The following LCOR variants were observed in gnomAD, a reference collection of about 807,000 sequenced individuals.
LCOR encodes ligand-dependent corepressor.
LCOR carries 14 observed loss-of-function variants against 64.4 expected under a neutral mutation model. The ratio of observed to expected loss-of-function variants is 0.22; its 90% CI spans 0.14 to 0.34. The LOEUF (loss-of-function observed/expected upper bound fraction) is 0.34. Among genes scored for constraint, LCOR ranks in the 10% least tolerant of loss-of-function variants. The pLI is 1.00. For synonymous variants in LCOR, 643 were observed against 642.5 expected, an observed-to-expected ratio of 1.00 and a Z score of -0.01; for missense variants, 1,686 against 1,765.3, an observed-to-expected ratio of 0.96 and a Z score of 0.80.
Position 96,866,898 on chromosome 10 carries a change from T to G in LCOR, c.-330+33419T>G, listed in dbSNP as rs139810814. ...GCCCCAAACAATTCTTGAAAGAGGT[T>G]GTGCCACCACTTTACATTCCCACCA... On this transcript the variant is annotated intron_variant, in intron 2 of 7. Transcript: ENST00000421806. Among the ~76,000 whole-genome samples, 838 of 152,258 alleles carry G rather than the reference T, an allele frequency of 5.5e-3. 10 individuals are homozygous for G. Among genetic ancestry groups the G allele is most frequent in the African/African-American group, 0.019 (804 of 41,554 alleles).
At chr10:96,967,623 T>C (rs1847962849) in intron 7 of LCOR, among the ~76,000 whole-genome samples, 1 of 152,220 alleles carries the variant, frequency 6.6e-6, no homozygotes, top group South Asian at 2.1e-4. Context: ...ATCGTATCTG[T>C]ACGAACATTG....
At chr10:96,890,722 A>G (rs769624602) in intron 2 of LCOR, among the ~76,000 whole-genome samples, 3 of 152,142 alleles carry the variant, frequency 2.0e-5, no homozygotes, top group Admixed American at 1.3e-4. Flanking sequence ...GCTCCTTTCT[A>G]TTCCTAGATT....
chr10:96,910,407 G>A (rs375738609), intron 4 of LCOR, among the ~76,000 whole-genome samples: 7 of 151,884 alleles, frequency 4.6e-5, no homozygotes, highest in Admixed American at 2.0e-4. Context: ...TATTATTTTC[G>A]GAGACAGTCA....
intron 7 of LCOR, among the ~76,000 whole-genome samples, chr10:96,969,762 TC>T (rs1847980936): frequency 1.4e-5 from 2 of 145,354 alleles, no homozygotes; most frequent in South Asian, 2.1e-4. Context: ...CAATTTTCTT[TC>T]TTTTTTTTTT....
At chr10:96,856,631 A>G (rs1203066109) in intron 2 of LCOR, among the ~76,000 whole-genome samples, 2 of 151,906 alleles carry the variant, frequency 1.3e-5, no homozygotes, top group Non-Finnish European at 2.9e-5. Context: ...ATGTACCATC[A>G]TGCCCAGCTA....
chr10:96,994,172 T>TG lies in LCOR; in HGVS notation c.*9039dup, dbSNP rs1746461504. 1.3e-5 allele frequency: 2 copies of TG among 152,320 alleles called. No individual in the cohort carries two copies. The highest frequency in any genetic ancestry group is 6.8e-3 in the Middle Eastern group (2 of 294). 9.4% of individuals were successfully genotyped at this position (152,320 alleles called of 1,614,324 possible). On this transcript the variant is annotated 3_prime_UTR_variant, in exon 8 of 8. Coordinates refer to ENST00000421806, the MANE Select transcript of LCOR (RefSeq NM_001346516.2). ...AAAGCTCATTTGGCTATAGAGTAAATGTAAGACTTGTTACAACAGAAATTT... is the reference window on the plus strand; with the variant it reads ...AAAGCTCATTTGGCTATAGAGTAAATGGTAAGACTTGTTACAACAGAAATTT...
chr10:96,949,440 G>A (rs1847641146), intron 6 of LCOR, 145 bp downstream of exon 6: 1 of 785,914 alleles, frequency 1.3e-6, no homozygotes. Context: ...ACTATGCAGT[G>A]ATGGAGAAGT....
intron 2 of LCOR, among the ~76,000 whole-genome samples, chr10:96,874,529 G>A (rs1270292339): frequency 6.6e-6 from 1 of 151,998 alleles, no homozygotes; most frequent in Non-Finnish European, 1.5e-5. Context: ...GTAACTGACC[G>A]AGCAGTCATA....
chr10:96,845,957 A>C (rs527625512), intron 2 of LCOR, among the ~76,000 whole-genome samples: 5 of 152,214 alleles, frequency 3.3e-5, no homozygotes, highest in African/African-American at 1.2e-4. Flanking sequence ...CTGTAATACC[A>C]GCACTTTGGG....
At chr10:96,852,150 G>A (rs4542327) in intron 2 of LCOR, among the ~76,000 whole-genome samples, 2 of 152,042 alleles carry the variant, frequency 1.3e-5, no homozygotes, top group Non-Finnish European at 2.9e-5. Flanking sequence ...AACACATTGG[G>A]TCATGCCTGT....
intron 7 of LCOR, among the ~76,000 whole-genome samples, chr10:96,974,197 C>T (rs1000726988): frequency 2.0e-5 from 3 of 152,196 alleles, no homozygotes; most frequent in African/African-American, 7.2e-5. Context: ...GGGCATGGAA[C>T]TGAAGATAGG....
At chr10:96,844,282 C>T (rs978754555) in intron 2 of LCOR, among the ~76,000 whole-genome samples, 2 of 151,630 alleles carry the variant, frequency 1.3e-5, no homozygotes, top group Admixed American at 6.6e-5. Flanking sequence ...TCCCTAGTAG[C>T]TGGGACTATG....
rs1363496709 is a variant in LCOR, at chr10:96,989,006, CTTTTCAGGAACAAATATTCT to C, written c.*3874_*3893del. ...CTGATCCCTGCTTGAGAAAGTCATC[CTTTTCAGGAACAAATATTCT>C]TGATTTTCCTTCTCTCTTCTGCCCT... On this transcript the variant is annotated 3_prime_UTR_variant, in exon 8 of 8. Transcript: ENST00000421806. 1 of 152,198 alleles carries C rather than the reference CTTTTCAGGAACAAATATTCT, an allele frequency of 6.6e-6. No individual in the cohort carries two copies. The highest frequency in any genetic ancestry group is 1.5e-5 in the Non-Finnish European group (1 of 68,044). The allele number at this position is 152,198 out of a possible 1,614,324, so 9.4% of individuals were successfully genotyped here.
intron 2 of LCOR, among the ~76,000 whole-genome samples, chr10:96,880,147 C>T (rs1156973840): frequency 2.6e-5 from 4 of 152,138 alleles, no homozygotes; most frequent in Admixed American, 6.5e-5. Flanking sequence ...TGGTTTTGCT[C>T]TATTTGGTTT....
At chr10:96,915,007 T>C (rs770046865) in intron 4 of LCOR, among the ~76,000 whole-genome samples, 1 of 152,140 alleles carries the variant, frequency 6.6e-6, no homozygotes, top group Admixed American at 6.5e-5. Flanking sequence ...TGCATTTGTT[T>C]TTCTATACCA....
intron 2 of LCOR, among the ~76,000 whole-genome samples, chr10:96,844,125 C>CTTCT (rs1317764677): frequency 9.0e-6 from 1 of 111,226 alleles, no homozygotes; most frequent in Non-Finnish European, 1.8e-5. Context: ...CCCTCCCTCC[C>CTTCT]TTCCTTCCCT....
At chr10:96,834,347 C>T (rs986412389) in intron 2 of LCOR, among the ~76,000 whole-genome samples, 5 of 152,068 alleles carry the variant, frequency 3.3e-5, no homozygotes, top group Admixed American at 2.0e-4. Flanking sequence ...TTTAAAATTC[C>T]CCTCCTGCCA....
intron 4 of LCOR, among the ~76,000 whole-genome samples, chr10:96,912,607 T>TCTTCCTTCCTTTCTTCCTTC (rs375676129): frequency 7.6e-4 from 107 of 140,394 alleles, no homozygotes; most frequent in East Asian, 6.6e-3. Context: ...TTTCTTCCTT[T>TCTTCCTTCCTTTCTTCCTTC]CTTCCTTCCT....
In LCOR at chr10:96,985,029, A is replaced by G; in HGVS notation, c.4569A>G (p.Arg1523=). The G allele has an allele frequency of 1.2e-6, 2 of 1,614,212 alleles. No homozygotes were observed. The highest frequency in any genetic ancestry group is 1.7e-6 in the Non-Finnish European group (2 of 1,180,034). The change falls in exon 8 of 8, where the codon AGA becomes AGG. Residue 1523 remains arginine, a synonymous_variant. Transcript: ENST00000421806. Reference sequence around the variant, plus strand: ...AGAGTAGTGGAAAGACTCGGGCCAGACCCTCAACGAAAACCCCAGAGAGCA... The same window carrying G: ...AGAGTAGTGGAAAGACTCGGGCCAGGCCCTCAACGAAAACCCCAGAGAGCA... The part of the protein sequence containing the change: ...RKQSSGKTRA[R]PSTKTPESSA...
Sources: gnomAD v4.1 joint callset for allele counts (sites outside exome capture counted in the v4.1 genomes callset) on GRCh38, gnomAD v4.1.1 for gene constraint, MANE v1.5 for transcripts, NCBI Gene and HGNC (gene_info 2026-07-23, HGNC 2026-07-21) for gene names.